CADM1: variants seen among roughly 807,000 people sequenced by gnomAD.
The protein encoded by CADM1 is cell adhesion molecule 1, also known as TSLC-1.
CADM1 carries 15 observed loss-of-function variants against 53.1 expected under a neutral mutation model. That is an observed-to-expected ratio of 0.28 (90% CI 0.19 to 0.44). The LOEUF is 0.44. CADM1 is among the 20% of genes least tolerant of loss of function. CADM1 has a pLI of 1.00. For missense variants in CADM1, 434 were observed against 611.3 expected, an observed-to-expected ratio of 0.71 and a Z score of 3.06; for synonymous variants, 281 against 243.0, an observed-to-expected ratio of 1.16 and a Z score of -1.45.
intron 1 of CADM1, among the ~76,000 whole-genome samples, chr11:115,282,365 G>A (rs984611363): frequency 6.6e-6 from 1 of 152,068 alleles, no homozygotes; most frequent in Non-Finnish European, 1.5e-5. Flanking sequence ...ATATTATCTT[G>A]TACTTTTGAA....
intron 3 of CADM1, among the ~76,000 whole-genome samples, chr11:115,233,862 A>G (rs933126827): frequency 2.0e-5 from 3 of 152,232 alleles, no homozygotes; most frequent in Admixed American, 2.0e-4. Flanking sequence ...TGGCTCTCTT[A>G]GTATGTGACA....
At chr11:115,206,359 TAGGG>T (rs1940678158) in intron 8 of CADM1, among the ~76,000 whole-genome samples, 1 of 152,276 alleles carries the variant, frequency 6.6e-6, no homozygotes, top group South Asian at 2.1e-4. Context: ...CTGCTCCGTG[TAGGG>T]TAAGCAGGAG....
At chr11:115,231,594 A>G in intron 3 of CADM1, 104 bp from the exon 4 acceptor site, 4 of 1,074,132 alleles carry the variant, frequency 3.7e-6, no homozygotes, top group Non-Finnish European at 5.8e-6. Flanking sequence ...AATTTAAATC[A>G]TCACAAGAGG....
chr11:115,233,937 T>A (rs1356355893), intron 3 of CADM1, among the ~76,000 whole-genome samples: 5 of 152,188 alleles, frequency 3.3e-5, no homozygotes, highest in Admixed American at 2.0e-4. Flanking sequence ...CCAGATCAGA[T>A]CCCACTTTAT....
At chr11:115,205,091 T>C (rs1290841028) in intron 8 of CADM1, among the ~76,000 whole-genome samples, 2 of 152,212 alleles carry the variant, frequency 1.3e-5, no homozygotes, top group African/African-American at 4.8e-5. Flanking sequence ...GTGGTTTTAA[T>C]TTTTTAATTT....
chr11:115,317,274 G>A (rs1000020827), intron 1 of CADM1, among the ~76,000 whole-genome samples: 1 of 152,132 alleles, frequency 6.6e-6, no homozygotes, highest in Non-Finnish European at 1.5e-5. Flanking sequence ...AGTCTTTAAA[G>A]GGTCAAACTG....
intron 1 of CADM1, among the ~76,000 whole-genome samples, chr11:115,355,290 T>G (rs537088986): frequency 6.6e-6 from 1 of 152,016 alleles, no homozygotes; most frequent in Admixed American, 6.6e-5. Context: ...TAAAAAAGAA[T>G]GGATCATATC....
intron 8 of CADM1, among the ~76,000 whole-genome samples, chr11:115,207,637 T>C (rs1940759428): frequency 6.6e-6 from 1 of 151,944 alleles, no homozygotes; most frequent in Non-Finnish European, 1.5e-5. Context: ...ATGAAAAGTG[T>C]TGTTCCATAT....
intron 1 of CADM1, among the ~76,000 whole-genome samples, chr11:115,291,961 T>C (rs903264354): frequency 2.0e-5 from 3 of 152,108 alleles, no homozygotes; most frequent in African/African-American, 7.3e-5. Context: ...TCTGAGAATA[T>C]AGGTGTCTGC....
intron 1 of CADM1, among the ~76,000 whole-genome samples, chr11:115,262,612 T>G (rs1218761878): frequency 6.6e-6 from 1 of 152,198 alleles, no homozygotes; most frequent in Admixed American, 6.5e-5. Flanking sequence ...AACCAGGCAT[T>G]GCGTACCAAG....
At chr11:115,308,400 T>C (rs1468051834) in intron 1 of CADM1, among the ~76,000 whole-genome samples, 1 of 151,860 alleles carries the variant, frequency 6.6e-6, no homozygotes, top group East Asian at 1.9e-4. Context: ...AAGGCAGTGG[T>C]AGATGCTTCA....
intron 1 of CADM1, among the ~76,000 whole-genome samples, chr11:115,331,328 G>A (rs929127141): frequency 6.6e-6 from 1 of 151,968 alleles, no homozygotes; most frequent in Admixed American, 6.6e-5. Flanking sequence ...GTGTTTTTAG[G>A]CAAAGATTTC....
Position 115,173,108 on chromosome 11 carries a change from G to A in CADM1, c.*3366C>T, listed in dbSNP as rs1938854708. On this transcript the variant is annotated 3_prime_UTR_variant, in exon 12 of 12. Coordinates refer to ENST00000331581, the MANE Select transcript of CADM1 (RefSeq NM_001301043.2). ...CAGCAAGTGAGAACAATCTTCTGCA[G>A]GCAGCCAAGCCAGTCCTCCACAGCT... The A allele has an allele frequency of 6.6e-6, 1 of 152,306 alleles. No homozygotes were observed. 9.4% of individuals were successfully genotyped at this position (152,306 alleles called of 1,614,324 possible). A position where few individuals can be genotyped will look rare whatever the true frequency, so the allele number is the denominator to read the frequency against.
At chr11:115,301,392 T>C (rs1369846990) in intron 1 of CADM1, among the ~76,000 whole-genome samples, 1 of 152,056 alleles carries the variant, frequency 6.6e-6, no homozygotes, top group Non-Finnish European at 1.5e-5. Flanking sequence ...GCACTAATGG[T>C]TTCCAGTTGA....
chr11:115,181,097 C>A (rs984015731), intron 10 of CADM1, among the ~76,000 whole-genome samples: 1 of 146,958 alleles, frequency 6.8e-6, no homozygotes, highest in Admixed American at 6.9e-5. Context: ...AAGACACTAT[C>A]TTGTCCACTC....
At chr11:115,310,549 C>T (rs2135160871) in intron 1 of CADM1, among the ~76,000 whole-genome samples, 1 of 152,200 alleles carries the variant, frequency 6.6e-6, no homozygotes. Flanking sequence ...ACAAGTTCTA[C>T]AGGATTGTAA....
chr11:115,291,742 G>C (rs2135110678), intron 1 of CADM1, among the ~76,000 whole-genome samples: 1 of 152,296 alleles, frequency 6.6e-6, no homozygotes, highest in African/African-American at 2.4e-5. Flanking sequence ...GGGCCTGCAA[G>C]AGAATATTAA....
chr11:115,411,163 T>C (rs1285010049), intron 1 of CADM1, among the ~76,000 whole-genome samples: 1 of 152,262 alleles, frequency 6.6e-6, no homozygotes, highest in African/African-American at 2.4e-5. Context: ...AATGTATTCA[T>C]GTAAACCTAA....
chr11:115,488,077 G>A (rs1949416224), intron 1 of CADM1, among the ~76,000 whole-genome samples: 1 of 151,902 alleles, frequency 6.6e-6, no homozygotes, highest in Admixed American at 6.6e-5. Context: ...ATGGCACTTG[G>A]TAGAAATCAA....
Sources: allele counts gnomAD v4.1 joint callset (sites outside exome capture counted in the v4.1 genomes callset), GRCh38; gene constraint gnomAD v4.1.1; transcripts MANE v1.5; gene names NCBI Gene and HGNC (gene_info 2026-07-23, HGNC 2026-07-21).